PTPRD: variants seen among roughly 807,000 people sequenced by gnomAD.
PTPRD encodes the protein protein tyrosine phosphatase receptor type D, also known as receptor-type tyrosine-protein phosphatase delta.
A neutral mutation model predicts 214.5 loss-of-function variants in PTPRD; 34 were observed. That is an observed-to-expected ratio of 0.16 (90% CI 0.12 to 0.21). PTPRD has a LOEUF of 0.21. Ranked by LOEUF, PTPRD falls within the 10% of genes least tolerant of loss-of-function variation. PTPRD has a pLI of 1.00. For missense variants in PTPRD, 2,545 were observed against 2,398.7 expected, an observed-to-expected ratio of 1.06 and a Z score of -1.27; for synonymous variants, 1,128 against 845.7, an observed-to-expected ratio of 1.33 and a Z score of -5.79.
intron 22 of PTPRD, among the ~76,000 whole-genome samples, chr9:8,506,352 T>C (rs1243997611): frequency 6.6e-6 from 1 of 152,206 alleles, no homozygotes; most frequent in Non-Finnish European, 1.5e-5. Flanking sequence ...TGTTCCCCAT[T>C]GGATTTAACA....
chr9:9,133,652 A>C (rs1441871697), intron 10 of PTPRD, among the ~76,000 whole-genome samples: 2 of 152,216 alleles, frequency 1.3e-5, no homozygotes, highest in Non-Finnish European at 2.9e-5. Context: ...CTATTGGATC[A>C]CACTGGAATA....
intron 12 of PTPRD, among the ~76,000 whole-genome samples, chr9:8,654,784 C>G (rs1173598438): frequency 6.6e-6 from 1 of 152,076 alleles, no homozygotes; most frequent in African/African-American, 2.4e-5. Flanking sequence ...GGTTTCCCTT[C>G]CTATGTATTT....
At chr9:9,543,405 C>CA (rs2078057969) in intron 8 of PTPRD, among the ~76,000 whole-genome samples, 1 of 151,582 alleles carries the variant, frequency 6.6e-6, no homozygotes, top group South Asian at 2.1e-4. Flanking sequence ...AAGGTATAAA[C>CA]AATTGCTAAA....
At chr9:9,791,515 G>A (rs536300521) in intron 5 of PTPRD, among the ~76,000 whole-genome samples, 9 of 152,080 alleles carry the variant, frequency 5.9e-5, no homozygotes, top group African/African-American at 1.7e-4. Flanking sequence ...TTCTTATAAT[G>A]GGTTCTATCA....
At chr9:8,583,406 A>G (rs916290231) in intron 14 of PTPRD, among the ~76,000 whole-genome samples, 20 of 152,172 alleles carry the variant, frequency 1.3e-4, no homozygotes, top group African/African-American at 4.3e-4. Context: ...GCTGGACTTG[A>G]ACTCCTGGGC....
chr9:9,465,209 C>T (rs1185153491), intron 8 of PTPRD, among the ~76,000 whole-genome samples: 1 of 152,152 alleles, frequency 6.6e-6, no homozygotes, highest in Non-Finnish European at 1.5e-5. Flanking sequence ...ATCAATATAA[C>T]AGCTGAAACT....
chr9:9,776,428 G>A (rs2098799336), intron 5 of PTPRD, among the ~76,000 whole-genome samples: 1 of 151,806 alleles, frequency 6.6e-6, no homozygotes, highest in Non-Finnish European at 1.5e-5. Flanking sequence ...TTATACTTAT[G>A]AGCTTCCAGC....
At chr9:9,738,645 T>G (rs1225801544) in intron 6 of PTPRD, among the ~76,000 whole-genome samples, 1 of 152,004 alleles carries the variant, frequency 6.6e-6, no homozygotes, top group Non-Finnish European at 1.5e-5. Context: ...TTTCACCATG[T>G]TGGCCAGGCT....
chr9:9,733,088 C>T (rs1196026875), intron 7 of PTPRD, among the ~76,000 whole-genome samples: 2 of 152,146 alleles, frequency 1.3e-5, no homozygotes, highest in Non-Finnish European at 2.9e-5. Context: ...AAAGCCTGCA[C>T]AATGAAAGGC....
intron 9 of PTPRD, among the ~76,000 whole-genome samples, chr9:9,237,840 T>C (rs986645058): frequency 6.6e-6 from 1 of 152,148 alleles, no homozygotes; most frequent in African/African-American, 2.4e-5. Flanking sequence ...GTTGCCATGA[T>C]TTTTGATGAG....
intron 2 of PTPRD, among the ~76,000 whole-genome samples, chr9:10,411,238 G>A (rs2098432932): frequency 1.3e-5 from 2 of 151,638 alleles, no homozygotes; most frequent in African/African-American, 4.8e-5. Context: ...ATCACCTAAT[G>A]AGAAGAAATT....
chr9:8,981,728 G>A (rs1410707034), intron 11 of PTPRD, among the ~76,000 whole-genome samples: 2 of 151,288 alleles, frequency 1.3e-5, no homozygotes, highest in African/African-American at 2.4e-5. Context: ...TTTTTTTTGA[G>A]GACTAAATGA....
At chr9:9,901,950 G>A (rs7847246) in intron 5 of PTPRD, among the ~76,000 whole-genome samples, 147,341 of 152,318 alleles carry the variant, frequency 0.97, 71,253 homozygotes, top group East Asian at 1. Context: ...TTAGATAGTC[G>A]TTAGGATTGT....
At chr9:8,870,615 C>T (rs1366875054) in intron 11 of PTPRD, among the ~76,000 whole-genome samples, 2 of 150,818 alleles carry the variant, frequency 1.3e-5, no homozygotes, top group South Asian at 2.1e-4. Flanking sequence ...TGTCAAAAGA[C>T]GAGAGGTTCC....
intron 3 of PTPRD, among the ~76,000 whole-genome samples, chr9:10,239,210 A>C (rs2099638797): frequency 6.6e-6 from 1 of 151,970 alleles, no homozygotes; most frequent in African/African-American, 2.4e-5. Context: ...GTTGTTTTCC[A>C]TCAGGCAAAG....
intron 3 of PTPRD, among the ~76,000 whole-genome samples, chr9:10,158,132 C>T (rs1456106040): frequency 6.6e-6 from 1 of 152,008 alleles, no homozygotes; most frequent in Non-Finnish European, 1.5e-5. Flanking sequence ...TCTCAGACCC[C>T]CGCTTAACTG....
chr9:10,169,323 A>T (rs1232823087), intron 3 of PTPRD, among the ~76,000 whole-genome samples: 1 of 151,398 alleles, frequency 6.6e-6, no homozygotes, highest in Non-Finnish European at 1.5e-5. Flanking sequence ...AAATACAAAA[A>T]ATTAGCCGGG....
intron 3 of PTPRD, among the ~76,000 whole-genome samples, chr9:10,105,780 T>G (rs1033919305): frequency 6.6e-6 from 1 of 151,714 alleles, no homozygotes; most frequent in Non-Finnish European, 1.5e-5. Context: ...ACAGTACAAG[T>G]GAAAGTGTAG....
At chr9:10,610,529 CAGAT>C (rs1287993084) in intron 2 of PTPRD, among the ~76,000 whole-genome samples, 2 of 151,254 alleles carry the variant, frequency 1.3e-5, no homozygotes, top group African/African-American at 4.9e-5. Flanking sequence ...TTCCAAATAT[CAGAT>C]AGCCTCTCGG....
Sources: gnomAD v4.1 joint callset for allele counts (sites outside exome capture counted in the v4.1 genomes callset) on GRCh38, gnomAD v4.1.1 for gene constraint, MANE v1.5 for transcripts, NCBI Gene and HGNC (gene_info 2026-07-23, HGNC 2026-07-21) for gene names.